The following CDK6 variants were observed in gnomAD, a reference collection of about 807,000 sequenced individuals.
CDK6 encodes cyclin-dependent kinase 6.
A neutral mutation model predicts 37.1 loss-of-function variants in CDK6; 6 were observed. The observed-to-expected ratio is 0.16, with a 90% CI of 0.09 to 0.32. The LOEUF is 0.32. Ranked by LOEUF, CDK6 falls within the 10% of genes least tolerant of loss-of-function variation. The pLI, the probability that CDK6 is intolerant of heterozygous loss-of-function variation, is 1.00. For missense variants in CDK6, 224 were observed against 418.9 expected (o/e 0.53, Z 4.06); for synonymous variants, 160 against 161.3 (o/e 0.99, Z 0.06).
rs1795461128 is a variant in CDK6 at position 92,607,751 on chromosome 7, CCTGGGGGTAGCTGATG to C, written c.*7373_*7388del. On this transcript the variant is annotated 3_prime_UTR_variant, in exon 8 of 8. Transcript: ENST00000424848. ...AATCCCCCGCCTGTCAGGTGCTGTTCCTGGGGGTAGCTGATGCTATAAATTCCATGTACTAACTAAT... is the reference window on the plus strand; with the variant it reads ...AATCCCCCGCCTGTCAGGTGCTGTTCCTATAAATTCCATGTACTAACTAAT... 3 of 227,956 alleles carry C rather than the reference CCTGGGGGTAGCTGATG, an allele frequency of 1.3e-5. No individual in the cohort carries two copies. In the East Asian group the frequency reaches 1.9e-4, roughly 14 times the overall value. 14.1% of individuals were successfully genotyped at this position (227,956 alleles called of 1,614,324 possible). A position where few individuals can be genotyped will look rare whatever the true frequency, so the allele number is the denominator to read the frequency against.
chr7:92,615,193 G>C lies in CDK6; in HGVS notation c.928C>G (p.Leu310Val), dbSNP rs1380962560. 3 of 1,614,118 alleles carry C rather than the reference G, an allele frequency of 1.9e-6. No individual in the cohort carries two copies. The highest frequency in any genetic ancestry group is 2.7e-5 in the African/African-American group (2 of 75,050). ...TGGCTGGGCGGCAGGTGGGAATCCA[G>C]GTTTTCTTTGCACCTTTCCAGGTCC... ...FQDLERCKEN[L>V]DSHLPPSQNT... The change falls in exon 8 of 8, where the codon CTG becomes GTG. Residue 310 changes from leucine to valine, a missense_variant. Transcript: ENST00000424848.
chr7:92,755,223 C>A (rs1464382842), intron 3 of CDK6, among the ~76,000 whole-genome samples: 1 of 152,090 alleles, frequency 6.6e-6, no homozygotes, highest in Non-Finnish European at 1.5e-5. Context: ...GCTGTGGGGC[C>A]CACTTCTAGG....
chr7:92,705,237 T>C (rs1797940079), intron 4 of CDK6, among the ~76,000 whole-genome samples: 1 of 152,194 alleles, frequency 6.6e-6, no homozygotes, highest in African/African-American at 2.4e-5. Context: ...TCTGTGAAAA[T>C]TTCTTTACCT....
chr7:92,730,975 T>G (rs1412152285), intron 3 of CDK6, among the ~76,000 whole-genome samples: 1 of 152,214 alleles, frequency 6.6e-6, no homozygotes, highest in Non-Finnish European at 1.5e-5. Flanking sequence ...ATATTGTTGC[T>G]ACCTAAGCAA....
In CDK6 at chr7:92,744,939, C is replaced by T. The variant is rs78340221; in HGVS notation, c.370-19146G>A. Among the ~76,000 whole-genome samples, 462 of 151,864 alleles carry T rather than the reference C, an allele frequency of 3.0e-3. 3 individuals are homozygous for T. Among genetic ancestry groups the T allele is most frequent in the African/African-American group, 0.01 (433 of 41,384 alleles). On this transcript the variant is annotated intron_variant, in intron 3 of 7. Transcript: ENST00000424848. ...CCTAACTCTTACCTTTCTCGCTGGG[C>T]GACCTTGGGTAATTTTGTGTATTTT...
intron 4 of CDK6, among the ~76,000 whole-genome samples, chr7:92,673,294 T>G (rs1039784877): frequency 1.3e-5 from 2 of 152,242 alleles, no homozygotes; most frequent in African/African-American, 4.8e-5. Flanking sequence ...ATGACCGTTT[T>G]AAGTCTTTAG....
In CDK6 at chr7:92,834,306, TCA is replaced by T; in HGVS notation, c.-367-618_-367-617del. Among the ~76,000 whole-genome samples, 1 of 152,106 alleles carries T rather than the reference TCA, an allele frequency of 6.6e-6. No individual in the cohort carries two copies. Among genetic ancestry groups the T allele is most frequent in the South Asian group, 2.1e-4 (1 of 4,782 alleles). On this transcript the variant is annotated intron_variant, in intron 1 of 7. Coordinates refer to ENST00000424848, the MANE Select transcript of CDK6 (RefSeq NM_001145306.2). The surrounding 1 kb of genome is among the most constrained non-coding windows in gnomAD (Gnocchi z 4.6). ...GAAATTGCTTCCTTTCTTTCTACTT[TCA>T]GTTTTTCTACGAGGAGACATTTAAA...
intron 3 of CDK6, among the ~76,000 whole-genome samples, chr7:92,750,911 C>A (rs1799172837): frequency 1.3e-5 from 2 of 152,134 alleles, no homozygotes; most frequent in Non-Finnish European, 2.9e-5. Context: ...ATAAGCCATT[C>A]ATTCCTAGGT....
chr7:92,639,705 G>C (rs1796257640), intron 5 of CDK6, among the ~76,000 whole-genome samples: 1 of 152,018 alleles, frequency 6.6e-6, no homozygotes, highest in Admixed American at 6.6e-5. Context: ...TCTTTCATTT[G>C]CCAACGGTTT....
intron 3 of CDK6, among the ~76,000 whole-genome samples, chr7:92,759,876 T>C (rs1337098233): frequency 6.6e-6 from 1 of 152,140 alleles, no homozygotes; most frequent in East Asian, 1.9e-4. Flanking sequence ...GCACATACAA[T>C]GAAGATTGCT....
intron 2 of CDK6, among the ~76,000 whole-genome samples, chr7:92,827,967 C>T (rs1801370434): frequency 6.6e-6 from 1 of 152,032 alleles, no homozygotes; most frequent in South Asian, 2.1e-4. Flanking sequence ...GTTTTTATTT[C>T]ATTAACCAGA....
chr7:92,735,941 C>G (rs953718114), intron 3 of CDK6, among the ~76,000 whole-genome samples: 1 of 152,146 alleles, frequency 6.6e-6, no homozygotes, highest in Admixed American at 6.5e-5. Flanking sequence ...CTTTTGGGTA[C>G]GTATAAACCT....
chr7:92,607,989 A>C lies in CDK6; in HGVS notation c.*7151T>G, dbSNP rs1223583341. The C allele has an allele frequency of 4.3e-6, 1 of 233,294 alleles. No individual in the cohort carries two copies. Among genetic ancestry groups the C allele is most frequent in the Non-Finnish European group, 8.5e-6 (1 of 117,936 alleles). The allele number at this position is 233,294 out of a possible 1,614,324, so 14.5% of individuals were successfully genotyped here. A position where few individuals can be genotyped will look rare whatever the true frequency, so the allele number is the denominator to read the frequency against. On this transcript the variant is annotated 3_prime_UTR_variant, in exon 8 of 8. Transcript: ENST00000424848. Reference sequence around the variant, plus strand: ...AACTGAGAGTTGTTGGTGATCACAGAAATATTGCTAGCTGATACATATTAT... The same window carrying C: ...AACTGAGAGTTGTTGGTGATCACAGCAATATTGCTAGCTGATACATATTAT...
Position 92,717,051 on chromosome 7 carries a change from C to T in CDK6, c.537+8575G>A, listed in dbSNP as rs926937956. Among the ~76,000 whole-genome samples, 8 of 152,008 alleles carry T rather than the reference C, an allele frequency of 5.3e-5. No individual in the cohort carries two copies. The South Asian group carries it at 6.2e-4, about 12-fold the overall frequency. ...TTTGAATGGCATCATATAGGGTGTC[C>T]GTATGAAAAACAGGCCCAGGCATGG... On this transcript the variant is annotated intron_variant, in intron 4 of 7. Coordinates refer to ENST00000424848, the MANE Select transcript of CDK6 (RefSeq NM_001145306.2).
chr7:92,706,321 G>C (rs1797965126), intron 4 of CDK6, among the ~76,000 whole-genome samples: 1 of 152,202 alleles, frequency 6.6e-6, no homozygotes, highest in Non-Finnish European at 1.5e-5. Flanking sequence ...ATGGCCTTGA[G>C]CCCAGGAGGC....
Position 92,835,930 on chromosome 7 carries a change from T to C in CDK6, c.-368+548A>G, listed in dbSNP as rs1202827303. Among the ~76,000 whole-genome samples, 3 of 152,184 alleles carry C rather than the reference T, an allele frequency of 2.0e-5. No individual in the cohort carries two copies. Among genetic ancestry groups the C allele is most frequent in the Non-Finnish European group, 4.4e-5 (3 of 68,038 alleles). On this transcript the variant is annotated intron_variant, in intron 1 of 7. Transcript: ENST00000424848. This position sits in a 1 kb window ranked among gnomAD's most constrained non-coding sequence, Gnocchi z 4.2. ...CTGGCCGGCTGCGTGCACTTTTCTGTGTATAACACGCCCGCAGGAAGCCTG... is the reference window on the plus strand; with the variant it reads ...CTGGCCGGCTGCGTGCACTTTTCTGCGTATAACACGCCCGCAGGAAGCCTG...
rs2116603503 is a variant in CDK6, at chr7:92,671,547, A to T, written c.538-12T>A. On this transcript the variant is annotated splice_polypyrimidine_tract_variant and intron_variant, in intron 4 of 7. Coordinates refer to ENST00000424848, the MANE Select transcript of CDK6 (RefSeq NM_001145306.2). ...CACAGCGTGACGACCTGCAATGGCA[A>T]GCGGATCCAAGTGTTACTGAGAAGG... 1 of 1,519,088 alleles carries T rather than the reference A, an allele frequency of 6.6e-7. No homozygotes were observed. The highest frequency in any genetic ancestry group is 8.9e-7 in the Non-Finnish European group (1 of 1,125,824). 94.1% of individuals were successfully genotyped at this position (1,519,088 alleles called of 1,614,324 possible). A position where few individuals can be genotyped will look rare whatever the true frequency, so the allele number is the denominator to read the frequency against.
rs182579561 is a variant in CDK6, at chr7:92,643,845, A to G, written c.648-20759T>C. On this transcript the variant is annotated intron_variant, in intron 5 of 7. Coordinates refer to ENST00000424848, the MANE Select transcript of CDK6 (RefSeq NM_001145306.2). ...CATTTATTTACTTATTAAATACAGAAAAATCCCTTTAGAATCAGGGATAAG... is the reference window on the plus strand; with the variant it reads ...CATTTATTTACTTATTAAATACAGAGAAATCCCTTTAGAATCAGGGATAAG... Among the ~76,000 whole-genome samples, 13 of 152,376 alleles carry G rather than the reference A, an allele frequency of 8.5e-5. No individual in the cohort carries two copies. The East Asian group carries it at 2.5e-3, about 29-fold the overall frequency.
chr7:92,625,257 CA>C (rs1795899763), intron 5 of CDK6, among the ~76,000 whole-genome samples: 2 of 150,048 alleles, frequency 1.3e-5, no homozygotes, highest in Non-Finnish European at 3.0e-5. Context: ...CACACACACA[CA>C]CCTCTCTTAT....
Sources: gnomAD v4.1 joint callset for allele counts (sites outside exome capture counted in the v4.1 genomes callset) on GRCh38, gnomAD v4.1.1 for gene constraint, Gnocchi (gnomAD v3.1) non-coding constraint, MANE v1.5 for transcripts, NCBI Gene and HGNC (gene_info 2026-07-23, HGNC 2026-07-21) for gene names.